FAM9A: variants seen among roughly 807,000 people sequenced by gnomAD.
FAM9A encodes protein FAM9A.
A neutral mutation model predicts 25.0 loss-of-function variants in FAM9A; 49 were observed. The observed-to-expected ratio is 1.96, with a 90% CI of 1.56 to 2.48. The LOEUF is 2.48. Among genes scored for constraint, FAM9A ranks in the 30% most tolerant of loss-of-function variants. The probability of loss-of-function intolerance (pLI) is 0.00; values close to 1 mark genes in which losing one functional copy is unlikely to be tolerated. For missense variants in FAM9A, 266 were observed against 249.3 expected (o/e 1.07, Z -0.45); for synonymous variants, 80 against 85.1 (o/e 0.94, Z 0.33).
In FAM9A at chrX:8,795,302, C is replaced by T; in HGVS notation, c.607G>A (p.Ala203Thr). 1.7e-6 allele frequency: 2 copies of T among 1,203,927 alleles called. No homozygotes were observed. The highest frequency in any genetic ancestry group is 2.2e-6 in the Non-Finnish European group (2 of 892,892). The change falls in exon 7 of 10, where the codon GCC becomes ACC. Residue 203 changes from alanine to threonine, a missense_variant. Transcript: ENST00000381003. ...EAEAAAAAAE[A>T]AAAAEAAAAA... ...GCTGCGGCTTCTGCTGCTGCTGCGG[C>T]TTCTGCTGCTGCTGCTGCGGCTTCT... is the stretch of plus-strand genomic sequence containing the variant.
chrX:8,793,369 G>T (rs781478904), intron 8 of FAM9A, among the ~76,000 whole-genome samples: 1 of 111,739 alleles, frequency 8.9e-6, no homozygotes, highest in Non-Finnish European at 1.9e-5. Flanking sequence ...TGCAGCCTCC[G>T]GCATAAATGT....
chrX:8,793,497 C>T (rs1305571575), intron 8 of FAM9A, among the ~76,000 whole-genome samples, 161 bp downstream of exon 8: 6 of 112,324 alleles, frequency 5.3e-5, no homozygotes, highest in Non-Finnish European at 9.4e-5. Flanking sequence ...ATACATTTAC[C>T]AGTTATGTTA....
At chrX:8,799,141 T>A in intron 2 of FAM9A, 47 bp from the exon 3 acceptor site, 1 of 1,132,339 alleles carries the variant, frequency 8.8e-7, no homozygotes, top group Admixed American at 2.5e-5. Flanking sequence ...AAACAGGATA[T>A]GTGAAAGGAG....
intron 5 of FAM9A, among the ~76,000 whole-genome samples, chrX:8,797,684 G>A (rs1232426700): frequency 9.0e-6 from 1 of 111,034 alleles, no homozygotes; most frequent in Non-Finnish European, 1.9e-5. Context: ...CACCCATCAG[G>A]TGCTATGCTT....
rs1933494649 is a variant in FAM9A at position 8,793,711 on chromosome X, C to A, written c.877G>T (p.Val293Phe). ...KQKRWQQPTG[V>F]RSWRLREMKP... Reference sequence around the variant, plus strand: ...ATCTCTCTCAGCCTCCAGCTCCTAACACCTGTAGGTTGTTGCCACCTCTTC... The same window carrying A: ...ATCTCTCTCAGCCTCCAGCTCCTAAAACCTGTAGGTTGTTGCCACCTCTTC... The change falls in exon 8 of 10, where the codon GTT becomes TTT. Residue 293 changes from valine to phenylalanine, a missense_variant. By Grantham distance (50) the Val-to-Phe change is conservative. Coordinates refer to ENST00000381003, the MANE Select transcript of FAM9A (RefSeq NM_174951.3). 8.3e-7 allele frequency: 1 copy of A among 1,209,792 alleles called. No individual in the cohort carries two copies. The highest frequency in any genetic ancestry group is 1.7e-5 in the African/African-American group (1 of 57,334).
intron 2 of FAM9A, among the ~76,000 whole-genome samples, chrX:8,799,524 C>G (rs767100806): frequency 5.2e-4 from 56 of 107,786 alleles, no homozygotes; most frequent in African/African-American, 1.1e-3. Flanking sequence ...CTGTCCTGAC[C>G]GGCGGCCGGG....
chrX:8,793,475 C>T (rs1479903109), intron 8 of FAM9A, among the ~76,000 whole-genome samples, 183 bp downstream of exon 8: 1 of 112,242 alleles, frequency 8.9e-6, no homozygotes, highest in African/African-American at 3.2e-5. Flanking sequence ...AAACTATTCA[C>T]GAATCCTAAA....
intron 6 of FAM9A, 100 bp from the exon 7 acceptor site, chrX:8,795,520 T>A: frequency 2.7e-6 from 2 of 730,017 alleles, no homozygotes; most frequent in Non-Finnish European, 3.9e-6. Context: ...TACTATAAAG[T>A]AGCAAGGGAG....
chrX:8,801,351 GCA>G lies in FAM9A; in HGVS notation c.-81_-80del, dbSNP rs1248105630. Reference sequence around the variant, plus strand: ...TGCCGCTTCCTCACAGAACCTGCAGGCACTGGCACCACGACGCTCTCTTAGAA... The same window carrying G: ...TGCCGCTTCCTCACAGAACCTGCAGGCTGGCACCACGACGCTCTCTTAGAA... On this transcript the variant is annotated 5_prime_UTR_variant, in exon 1 of 10. Transcript: ENST00000381003. 9.1e-6 allele frequency: 1 copy of G among 110,446 alleles called. No individual in the cohort carries two copies. Among genetic ancestry groups the G allele is most frequent in the Admixed American group, 9.5e-5 (1 of 10,536 alleles). 9.1% of individuals were successfully genotyped at this position (110,446 alleles called of 1,213,427 possible).
At position 8,795,858 on chromosome X, in the gene FAM9A, A is replaced by T. The variant is rs1602069461; in HGVS notation, c.488+410T>A. On this transcript the variant is annotated intron_variant, in intron 6 of 9. Coordinates refer to ENST00000381003, the MANE Select transcript of FAM9A (RefSeq NM_174951.3). ...GGCACAACAATGATTTTCTAAAAGGAATAGTGAAAACAATTTAACTAAAAT... is the reference window on the plus strand; with the variant it reads ...GGCACAACAATGATTTTCTAAAAGGTATAGTGAAAACAATTTAACTAAAAT... Among the ~76,000 whole-genome samples the T allele has an allele frequency of 4.5e-5, 5 of 112,207 alleles. No individual in the cohort carries two copies. The South Asian group carries it at 1.8e-3, about 41-fold the overall frequency.
rs199608514 is a variant in FAM9A at position 8,795,299 on chromosome X, C to G, written c.610G>C (p.Ala204Pro). 5 of 1,201,495 alleles carry G rather than the reference C, an allele frequency of 4.2e-6. No homozygotes were observed. Among genetic ancestry groups the G allele is most frequent in the East Asian group, 3.0e-5 (1 of 33,488 alleles). The part of the protein sequence containing the change: ...AEAAAAAAEA[A>P]AAAEAAAAAA... ...GCTGCTGCGGCTTCTGCTGCTGCTG[C>G]GGCTTCTGCTGCTGCTGCTGCGGCT... is the stretch of plus-strand genomic sequence containing the variant. Residue 204 changes from alanine (A) to proline (P), a missense_variant, in exon 7 of 10, where the codon GCA (alanine) becomes CCA (proline). Ala to Pro is a conservative substitution (Grantham distance 27, BLOSUM62 -1). Transcript: ENST00000381003.
At chrX:8,792,736 T>C in intron 8 of FAM9A, among the ~76,000 whole-genome samples, 1 of 112,301 alleles carries the variant, frequency 8.9e-6, no homozygotes, top group Non-Finnish European at 1.9e-5. Flanking sequence ...TCAAACTCTT[T>C]TCTCAGTTTA....
rs778945670 is a variant in FAM9A, at chrX:8,799,070, G to C, written c.116C>G (p.Pro39Arg). The C allele has an allele frequency of 2.9e-5, 35 of 1,210,036 alleles. No homozygotes were observed. The Admixed American group carries it at 6.8e-4, about 23-fold the overall frequency. ...KEGSGIASNFPGQPTMEPVGR... is the reference protein window; with the variant it reads ...KEGSGIASNFRGQPTMEPVGR... ...CACGGGCTCCATGGTTGGCTGTCCT[G>C]GGAAGTTAGAGGCGATCCCTGAACC... The change falls in exon 3 of 10, where the codon CCA (proline) becomes CGA (arginine). Residue 39 changes from proline to arginine, a missense_variant. By Grantham distance (103) the Pro-to-Arg change is moderately radical (BLOSUM62 -2). Transcript: ENST00000381003.
chrX:8,798,695 T>A (rs1347985180), intron 3 of FAM9A, among the ~76,000 whole-genome samples: 1 of 112,620 alleles, frequency 8.9e-6, no homozygotes, highest in Non-Finnish European at 1.9e-5. Context: ...CGCTCACAAG[T>A]CAGACCCCTT....
chrX:8,796,427 G>A lies in FAM9A; in HGVS notation c.374-45C>T, dbSNP rs111357727. The A allele has an allele frequency of 4.3e-3, 3,737 of 875,311 alleles. 83 individuals carry two copies. The African/African-American group carries it at 0.066, about 15-fold the overall frequency. 72.1% of individuals were successfully genotyped at this position (875,311 alleles called of 1,213,427 possible). On this transcript the variant is annotated intron_variant, in intron 5 of 9. Coordinates refer to ENST00000381003, the MANE Select transcript of FAM9A (RefSeq NM_174951.3). ...GCATTAAAAGTTAATGTTGAAAAGT[G>A]GTTTCTTCGCATATATTGAAATCAA...
At position 8,800,040 on chromosome X, in the gene FAM9A, C is replaced by G. The variant is rs753982348; in HGVS notation, c.91+41G>C. 4.2e-6 allele frequency: 5 copies of G among 1,193,457 alleles called. No individual in the cohort carries two copies. In the Middle Eastern group the frequency reaches 7.0e-4, roughly 167 times the overall value. On this transcript the variant is annotated intron_variant, in intron 2 of 9. Coordinates refer to ENST00000381003, the MANE Select transcript of FAM9A (RefSeq NM_174951.3). ...GGGGTCTCGGGCTGCCCATGTGCCC[C>G]CCGCGCAGAGAGCAAACAGACCATC...
rs200699109 is a variant in FAM9A, at chrX:8,795,395, G to A, written c.514C>T (p.Arg172Trp). 50 of 1,198,748 alleles carry A rather than the reference G, an allele frequency of 4.2e-5. No homozygotes were observed. Among genetic ancestry groups the A allele is most frequent in the East Asian group, 1.5e-4 (5 of 33,550 alleles). Residue 172 changes from arginine (R) to tryptophan (W), a missense_variant, in exon 7 of 10, where the codon CGG (arginine) becomes TGG (tryptophan). Transcript: ENST00000381003. ...TCTTTAAGGACATTCAGCAACTTCC[G>A]AGTATGTCTATAATCACGTTTCTGC... ...KRQKRDYRHT[R>W]KLLNVLKEYI...
intron 8 of FAM9A, among the ~76,000 whole-genome samples, chrX:8,793,064 C>T (rs1933488027): frequency 8.9e-6 from 1 of 112,109 alleles, no homozygotes; most frequent in African/African-American, 3.2e-5. Flanking sequence ...CCATAAAACA[C>T]TCCTGTATTA....
At chrX:8,797,851 G>C (rs1446323611) in intron 5 of FAM9A, among the ~76,000 whole-genome samples, 1 of 111,674 alleles carries the variant, frequency 9.0e-6, no homozygotes, top group Non-Finnish European at 1.9e-5. Flanking sequence ...CAATAGAGCT[G>C]TTTCTCCTCC....
Sources: allele counts gnomAD v4.1 joint callset (sites outside exome capture counted in the v4.1 genomes callset), GRCh38; gene constraint gnomAD v4.1.1; transcripts MANE v1.5; gene names NCBI Gene and HGNC (gene_info 2026-07-23, HGNC 2026-07-21).